DCP2: variants seen among roughly 807,000 people sequenced by gnomAD.
The protein encoded by DCP2 is decapping mRNA 2.
In DCP2, 30 loss-of-function variants were observed where a neutral mutation model predicts 56.1. The observed-to-expected ratio is 0.53, with a 90% CI of 0.40 to 0.73. DCP2 has a LOEUF of 0.73. Among genes scored for constraint, DCP2 ranks in the 30% least tolerant of loss-of-function variants. DCP2 has a pLI of 0.00. For missense variants in DCP2, 533 were observed against 502.7 expected, an observed-to-expected ratio of 1.06 and a Z score of -0.58; for synonymous variants, 197 against 163.3, an observed-to-expected ratio of 1.21 and a Z score of -1.57.
At position 112,992,679 on chromosome 5, in the gene DCP2, T is replaced by A; in HGVS notation, c.341T>A (p.Leu114Gln). The change falls in exon 4 of 11, where the codon CTA becomes CAA. Residue 114 changes from leucine (L) to glutamine (Q), a missense_variant. Leu to Gln is a moderately radical substitution (Grantham distance 113). Around this residue, in one of 3 missense-constraint regions of DCP2, gnomAD observed 137 missense variants for 138.2 expected, o/e 0.99. Coordinates refer to ENST00000389063, the MANE Select transcript of DCP2 (RefSeq NM_152624.6). ...ILDETLENVL[L>Q]VQGYLAKSGW... ...CTTCTGCTTGTTTTGTAGGTACTAC[T>A]AGTTCAGGGGTACCTAGCAAAATCA... 6.3e-7 allele frequency: 1 copy of A among 1,579,956 alleles called. No individual in the cohort carries two copies. Among genetic ancestry groups the A allele is most frequent in the Non-Finnish European group, 8.5e-7 (1 of 1,169,618 alleles).
intron 8 of DCP2, among the ~76,000 whole-genome samples, chr5:113,005,151 G>GT (rs1749361092): frequency 2.7e-5 from 4 of 149,420 alleles, no homozygotes; most frequent in African/African-American, 9.9e-5. Context: ...TGTGCGTGTG[G>GT]GTGTGTGTGT....
At position 113,013,461 on chromosome 5, in the gene DCP2, A is replaced by G. The variant is rs144451239; in HGVS notation, c.1240A>G (p.Ile414Val). The change falls in exon 11 of 11, where the codon ATA (isoleucine) becomes GTA (valine). Residue 414 changes from isoleucine (I) to valine (V), a missense_variant. Transcript: ENST00000389063. ...FLSFKFDHNA[I>V]MKILDL ...GAGTTTCAAGTTTGACCATAATGCT[A>G]TAATGAAAATCTTGGACCTTTGATA... The G allele has an allele frequency of 4.5e-5, 73 of 1,614,030 alleles. No individual in the cohort carries two copies. The highest frequency in any genetic ancestry group is 5.9e-5 in the Non-Finnish European group (70 of 1,179,996).
chr5:113,015,214 A>G lies in DCP2; in HGVS notation c.*1730A>G, dbSNP rs542224262. On this transcript the variant is annotated 3_prime_UTR_variant, in exon 11 of 11. Coordinates refer to ENST00000389063, the MANE Select transcript of DCP2 (RefSeq NM_152624.6). The stretch of plus-strand genomic sequence containing the variant: ...CTTTGCTTGGGTCTCTTCGAGCCAT[A>G]TTTATAGTTGGTCCCAGCATTCCAG... 1 of 152,702 alleles carries G rather than the reference A, an allele frequency of 6.5e-6. No homozygotes were observed. Among genetic ancestry groups the G allele is most frequent in the East Asian group, 1.9e-4 (1 of 5,184 alleles). The allele number at this position is 152,702 out of a possible 1,614,324, so 9.5% of individuals were successfully genotyped here.
At chr5:112,983,512 G>A (rs1394633574) in intron 1 of DCP2, among the ~76,000 whole-genome samples, 3 of 152,204 alleles carry the variant, frequency 2.0e-5, no homozygotes, top group African/African-American at 7.2e-5. Context: ...ACCATGCCTG[G>A]CAAGGCAGTA....
At position 113,020,819 on chromosome 5, in the gene DCP2, G is replaced by C. The variant is rs1750086136; in HGVS notation, c.*7335G>C. 6.6e-6 allele frequency: 1 copy of C among 152,174 alleles called. No homozygotes were observed. The highest frequency in any genetic ancestry group is 6.5e-5 in the Admixed American group (1 of 15,276). 9.4% of individuals were successfully genotyped at this position (152,174 alleles called of 1,614,324 possible). On this transcript the variant is annotated 3_prime_UTR_variant, in exon 11 of 11. Coordinates refer to ENST00000389063, the MANE Select transcript of DCP2 (RefSeq NM_152624.6). ...GCTTTTTGATGTAAATAATAGGTTAGAAACTAAAAGCCTTTTAATCTTACA... is the reference window on the plus strand; with the variant it reads ...GCTTTTTGATGTAAATAATAGGTTACAAACTAAAAGCCTTTTAATCTTACA...
intron 1 of DCP2, 34 bp downstream of exon 1, chr5:112,977,020 CG>C: frequency 6.8e-7 from 1 of 1,467,390 alleles, no homozygotes; most frequent in Non-Finnish European, 9.1e-7. Flanking sequence ...TCGCCCCCGT[CG>C]GGTTTTCTCA....
chr5:112,992,900 ACTT>A (rs1748659009), intron 4 of DCP2, 130 bp downstream of exon 4: 74 of 435,306 alleles, frequency 1.7e-4, no homozygotes, highest in East Asian at 3.3e-4. Flanking sequence ...GAAGTAACTT[ACTT>A]TTTTTTTTTT....
In DCP2 at chr5:113,001,690, C is replaced by G. The variant is rs989440611; in HGVS notation, c.806+16C>G. 1.3e-6 allele frequency: 2 copies of G among 1,593,992 alleles called. No individual in the cohort carries two copies. Among genetic ancestry groups the G allele is most frequent in the Non-Finnish European group, 1.7e-6 (2 of 1,162,418 alleles). On this transcript the variant is annotated intron_variant, in intron 7 of 10. Coordinates refer to ENST00000389063, the MANE Select transcript of DCP2 (RefSeq NM_152624.6). Reference sequence around the variant, plus strand: ...AAAAATTGAGGTAAAGAAATACATTCATGGAATCCTGATTTTCTAATAGTT... The same window carrying G: ...AAAAATTGAGGTAAAGAAATACATTGATGGAATCCTGATTTTCTAATAGTT...
chr5:112,977,007 C>T, intron 1 of DCP2, 21 bp downstream of exon 1: 5 of 1,496,452 alleles, frequency 3.3e-6, no homozygotes, highest in Middle Eastern at 1.8e-4. Context: ...ACCCGACCCC[C>T]TTTCGCCCCC....
chr5:112,985,886 G>T lies in DCP2; in HGVS notation c.105G>T (p.Val35=). 1.2e-6 allele frequency: 2 copies of T among 1,610,778 alleles called. No homozygotes were observed. The highest frequency in any genetic ancestry group is 1.7e-6 in the Non-Finnish European group (2 of 1,177,274). The stretch of plus-strand genomic sequence containing the variant: ...AGGAAAGAGACAATGCAATCCGAGT[G>T]TGTTTTCAGATTGAACTTGCCCATT... The part of the protein sequence containing the change: ...PSEERDNAIR[V]CFQIELAHWF... The change falls in exon 2 of 11, where the codon GTG becomes GTT. Residue 35 remains valine, a synonymous_variant. Coordinates refer to ENST00000389063, the MANE Select transcript of DCP2 (RefSeq NM_152624.6).
intron 2 of DCP2, among the ~76,000 whole-genome samples, chr5:112,988,910 T>G (rs1031749098): frequency 6.6e-6 from 1 of 152,254 alleles, no homozygotes; most frequent in Non-Finnish European, 1.5e-5. Flanking sequence ...TGTGTGTGTT[T>G]GCACATGAGT....
rs145343176 is a variant in DCP2 at position 112,996,410 on chromosome 5, T to A, written c.432+3640T>A. On this transcript the variant is annotated intron_variant, in intron 4 of 10. Coordinates refer to ENST00000389063, the MANE Select transcript of DCP2 (RefSeq NM_152624.6). ...ACTTAGGCTGATGTTTTGAGCACTT[T>A]TTTTTTCTTGCATTTAAGTTACATA... Among the ~76,000 whole-genome samples the A allele has an allele frequency of 4.9e-4, 75 of 152,378 alleles. No individual in the cohort carries two copies. In the East Asian group the frequency reaches 0.011, roughly 22 times the overall value.
At chr5:112,982,557 CCCACATGGTCTAGCGT>C (rs1405915490) in intron 1 of DCP2, among the ~76,000 whole-genome samples, 1 of 152,172 alleles carries the variant, frequency 6.6e-6, no homozygotes, top group Non-Finnish European at 1.5e-5. Flanking sequence ...ACACTTAGTT[CCCACATGGTCTAGCGT>C]CCACATTTTG....
intron 2 of DCP2, among the ~76,000 whole-genome samples, chr5:112,988,252 G>T (rs1175187654): frequency 2.0e-5 from 3 of 151,714 alleles, no homozygotes; most frequent in African/African-American, 4.8e-5. Context: ...GGAGGCCAAG[G>T]GGGGCGGATC....
At chr5:113,012,589 GGA>G (rs1749722465) in intron 10 of DCP2, among the ~76,000 whole-genome samples, 1 of 151,978 alleles carries the variant, frequency 6.6e-6, no homozygotes, top group Non-Finnish European at 1.5e-5. Context: ...CAGATAAATT[GGA>G]GTTTTGTTGT....
intron 4 of DCP2, among the ~76,000 whole-genome samples, chr5:112,998,315 G>A (rs1004429816): frequency 5.3e-5 from 8 of 152,102 alleles, no homozygotes; most frequent in African/African-American, 1.9e-4. Flanking sequence ...TCTTCTTGTT[G>A]GTTTGGCAAA....
intron 4 of DCP2, among the ~76,000 whole-genome samples, chr5:112,997,613 CTT>C (rs555386404): frequency 9.9e-5 from 14 of 140,816 alleles, no homozygotes; most frequent in Admixed American, 2.1e-4. Context: ...TTTTCTTTTT[CTT>C]TTTTTTTTTT....
rs1022163036 is a variant in DCP2 at position 113,015,507 on chromosome 5, A to G, written c.*2023A>G. 3.9e-5 allele frequency: 6 copies of G among 152,630 alleles called. No homozygotes were observed. The highest frequency in any genetic ancestry group is 4.4e-5 in the Non-Finnish European group (3 of 68,026). 9.5% of individuals were successfully genotyped at this position (152,630 alleles called of 1,614,324 possible). A position where few individuals can be genotyped will look rare whatever the true frequency, so the allele number is the denominator to read the frequency against. ...ATGGTGTTGAGCCTTTTCAAGAACCAACAAATTATCTTTGTGATTACAGTA... is the reference window on the plus strand; with the variant it reads ...ATGGTGTTGAGCCTTTTCAAGAACCGACAAATTATCTTTGTGATTACAGTA... On this transcript the variant is annotated 3_prime_UTR_variant, in exon 11 of 11. Transcript: ENST00000389063.
chr5:113,009,778 C>G (rs2150191145), intron 9 of DCP2, among the ~76,000 whole-genome samples: 1 of 152,212 alleles, frequency 6.6e-6, no homozygotes, highest in East Asian at 1.9e-4. Context: ...GACTATCAGA[C>G]ACTAGTACAT....
Sources: allele counts gnomAD v4.1 joint callset (sites outside exome capture counted in the v4.1 genomes callset), GRCh38; gene constraint gnomAD v4.1.1; regional missense constraint gnomAD v4.1.1; transcripts MANE v1.5; gene names NCBI Gene and HGNC (gene_info 2026-07-23, HGNC 2026-07-21).